CEP89: variants seen among roughly 807,000 people sequenced by gnomAD.
CEP89 encodes the protein centrosomal protein of 89 kDa.
Under a neutral mutation model 97.6 loss-of-function variants are expected in CEP89, and 95 were observed. The observed-to-expected ratio is 0.97, with a 90% CI of 0.82 to 1.15. The LOEUF (loss-of-function observed/expected upper bound fraction) is 1.15. CEP89 is among the 50% of genes most tolerant of loss of function. The probability of loss-of-function intolerance (pLI) is 0.00; values close to 1 mark genes in which losing one functional copy is unlikely to be tolerated. For synonymous variants in CEP89, 354 were observed against 349.1 expected, an observed-to-expected ratio of 1.01 and a Z score of -0.16; for missense variants, 869 against 947.7, an observed-to-expected ratio of 0.92 and a Z score of 1.09.
In CEP89 at chr19:32,876,802, G is replaced by A. The variant is rs1969185530; in HGVS notation, c.*2360C>T. 6.6e-6 allele frequency: 1 copy of A among 152,238 alleles called. No individual in the cohort carries two copies. 9.4% of individuals were successfully genotyped at this position (152,238 alleles called of 1,614,324 possible). A position where few individuals can be genotyped will look rare whatever the true frequency, so the allele number is the denominator to read the frequency against. On this transcript the variant is annotated 3_prime_UTR_variant, in exon 19 of 19. Coordinates refer to ENST00000305768, the MANE Select transcript of CEP89 (RefSeq NM_032816.5). ...CTGTGGGACACCTGCCCTTGCCCTG[G>A]TCACAGTGCCATCCAGGAGTCCCCA...
chr19:32,896,797 C>A, intron 16 of CEP89, among the ~76,000 whole-genome samples: 1 of 150,028 alleles, frequency 6.7e-6, no homozygotes. Flanking sequence ...TTTTAAGGAA[C>A]ACAACTCTTA....
chr19:32,918,889 T>C (rs562479381), intron 12 of CEP89, among the ~76,000 whole-genome samples: 44 of 146,006 alleles, frequency 3.0e-4, no homozygotes, highest in Non-Finnish European at 4.2e-4. Flanking sequence ...TTTTTCTTTT[T>C]TTTTTTTTTT....
chr19:32,897,611 G>C (rs1378377745), intron 16 of CEP89, among the ~76,000 whole-genome samples: 1 of 152,070 alleles, frequency 6.6e-6, no homozygotes, highest in Non-Finnish European at 1.5e-5. Flanking sequence ...ACAGGGTCTT[G>C]TTCTATCACC....
intron 4 of CEP89, among the ~76,000 whole-genome samples, chr19:32,950,347 T>A (rs1970884621): frequency 6.6e-6 from 1 of 152,100 alleles, no homozygotes; most frequent in Non-Finnish European, 1.5e-5. Flanking sequence ...TCACCTGAAG[T>A]CGGGAGTTCA....
chr19:32,916,069 G>C (rs1970120975), intron 13 of CEP89, among the ~76,000 whole-genome samples: 1 of 152,060 alleles, frequency 6.6e-6, no homozygotes, highest in Admixed American at 6.6e-5. Context: ...TTGGGGTCAG[G>C]AGTTTGAGAC....
intron 12 of CEP89, among the ~76,000 whole-genome samples, chr19:32,919,955 A>T (rs1249111037): frequency 6.6e-6 from 1 of 151,832 alleles, no homozygotes; most frequent in East Asian, 2.0e-4. Flanking sequence ...CGCATTTTGG[A>T]CTAATTTATA....
chr19:32,916,079 C>G (rs535287779), intron 13 of CEP89, among the ~76,000 whole-genome samples: 1 of 151,930 alleles, frequency 6.6e-6, no homozygotes, highest in African/African-American at 2.4e-5. Flanking sequence ...GAGTTTGAGA[C>G]CAGCCTGGGT....
At chr19:32,927,802 A>G (rs1970392267) in intron 9 of CEP89, among the ~76,000 whole-genome samples, 1 of 149,624 alleles carries the variant, frequency 6.7e-6, no homozygotes, top group African/African-American at 2.5e-5. Flanking sequence ...ATGGGGTTTC[A>G]CCATGTTGCC....
intron 1 of CEP89, 81 bp from the exon 2 acceptor site, chr19:32,966,547 G>C: frequency 1.3e-6 from 1 of 773,410 alleles, no homozygotes; most frequent in Non-Finnish European, 1.9e-6. Flanking sequence ...CCCTGGGCCT[G>C]CAAGGGGACA....
At chr19:32,943,833 G>A (rs988711501) in intron 5 of CEP89, among the ~76,000 whole-genome samples, 1 of 152,074 alleles carries the variant, frequency 6.6e-6, no homozygotes, top group Non-Finnish European at 1.5e-5. Context: ...CACCATGGAA[G>A]AGATCCAATT....
rs201311820 is a variant in CEP89 at position 32,879,213 on chromosome 19, G to A, written c.2301C>T (p.Asp767=). The part of the protein sequence containing the change: ...LNGVSQADLL[D]GCDVCSYDLK... Reference sequence around the variant, plus strand: ...GGTCATAGGAGCAGACATCGCAGCCGTCCAGCAGGTCTGCCTGAGAGACGC... The same window carrying A: ...GGTCATAGGAGCAGACATCGCAGCCATCCAGCAGGTCTGCCTGAGAGACGC... Residue 767 remains aspartate, a synonymous_variant, in exon 19 of 19, where the codon GAC becomes GAT. Transcript: ENST00000305768. 3.7e-5 allele frequency: 60 copies of A among 1,614,116 alleles called. 1 individual carries two copies. The highest frequency in any genetic ancestry group is 3.6e-4 in the East Asian group (16 of 44,866).
At chr19:32,909,648 C>T (rs974341668) in intron 14 of CEP89, among the ~76,000 whole-genome samples, 3 of 152,170 alleles carry the variant, frequency 2.0e-5, no homozygotes, top group Admixed American at 1.3e-4. Flanking sequence ...CCAGACTAAA[C>T]ATGATTACCA....
At chr19:32,929,309 A>AAG in intron 9 of CEP89, among the ~76,000 whole-genome samples, 1 of 152,284 alleles carries the variant, frequency 6.6e-6, no homozygotes, top group East Asian at 1.9e-4. Flanking sequence ...AATGGTTTAA[A>AAG]AGAGAGAGAG....
chr19:32,907,002 C>T (rs1324095374), intron 14 of CEP89, among the ~76,000 whole-genome samples: 1 of 151,888 alleles, frequency 6.6e-6, no homozygotes, highest in Non-Finnish European at 1.5e-5. Context: ...CCTGGCCTCA[C>T]CCAGGACTTT....
In CEP89 at chr19:32,924,004, C is replaced by CTT. The variant is rs746080149; in HGVS notation, c.1165-464_1165-463dup. Among the ~76,000 whole-genome samples, 8 of 129,744 alleles carry CTT rather than the reference C, an allele frequency of 6.2e-5. 1 individual carries two copies. The highest frequency in any genetic ancestry group is 8.5e-5 in the African/African-American group (3 of 35,330). The allele number at this position is 129,744 out of a possible 152,430, so 85.1% of individuals were successfully genotyped here. On this transcript the variant is annotated intron_variant, in intron 11 of 18. Transcript: ENST00000305768. ...GTTAGTGTGGGAGTTGGAGGAAGCTCTTTTTTTTTTTTTTTTTTTGAGACA... is the reference window on the plus strand; with the variant it reads ...GTTAGTGTGGGAGTTGGAGGAAGCTCTTTTTTTTTTTTTTTTTTTTTGAGACA...
chr19:32,948,191 T>C lies in CEP89; in HGVS notation c.595+75A>G, dbSNP rs1459740927. On this transcript the variant is annotated intron_variant, in intron 5 of 18. Coordinates refer to ENST00000305768, the MANE Select transcript of CEP89 (RefSeq NM_032816.5). ...AGCATGAAGGGGCAATGGGTATGTT[T>C]TCCTAAAAATAAGCAATATTCATTA... The C allele has an allele frequency of 3.8e-6, 3 of 787,812 alleles. No homozygotes were observed. The African/African-American group carries it at 5.2e-5, about 14-fold the overall frequency. 48.8% of individuals were successfully genotyped at this position (787,812 alleles called of 1,614,324 possible).
chr19:32,959,861 C>T, intron 3 of CEP89, 39 bp downstream of exon 3: 1 of 1,610,642 alleles, frequency 6.2e-7, no homozygotes, highest in Non-Finnish European at 8.5e-7. Context: ...GCCCCTCTTC[C>T]ACTCTCAGAG....
At position 32,971,958 on chromosome 19, in the gene CEP89, C is replaced by T. The variant is rs939654101; in HGVS notation, c.-84G>A. The stretch of plus-strand genomic sequence containing the variant: ...CCAGGGACCACTCCCTAAAGCCCGC[C>T]GCAGGCCCAGCCCTCACGCTTTCTC... On this transcript the variant is annotated 5_prime_UTR_variant, in exon 1 of 19. Transcript: ENST00000305768. 9.6e-6 allele frequency: 14 copies of T among 1,462,500 alleles called. No homozygotes were observed. Among genetic ancestry groups the T allele is most frequent in the South Asian group, 1.2e-5 (1 of 82,378 alleles). The allele number at this position is 1,462,500 out of a possible 1,614,324, so 90.6% of individuals were successfully genotyped here.
chr19:32,910,952 G>A (rs775832830), intron 14 of CEP89, among the ~76,000 whole-genome samples: 9 of 152,344 alleles, frequency 5.9e-5, no homozygotes, highest in Non-Finnish European at 1.2e-4. Flanking sequence ...ACAATAAAAA[G>A]TAGGGTAAAT....
Sources: allele counts gnomAD v4.1 joint callset (sites outside exome capture counted in the v4.1 genomes callset), GRCh38; gene constraint gnomAD v4.1.1; transcripts MANE v1.5; gene names NCBI Gene and HGNC (gene_info 2026-07-23, HGNC 2026-07-21).